TIAM1: variants seen among roughly 807,000 people sequenced by gnomAD.
TIAM1 encodes TIAM Rac1 associated GEF 1.
A neutral mutation model predicts 163.5 loss-of-function variants in TIAM1; 65 were observed. The observed-to-expected ratio is 0.40, with a 90% CI of 0.33 to 0.49. TIAM1 has a LOEUF of 0.49. Ranked by LOEUF, TIAM1 falls within the 20% of genes least tolerant of loss-of-function variation. TIAM1 has a pLI of 0.77. For missense variants in TIAM1, 1,789 were observed against 2,044.7 expected (o/e 0.87, Z 2.41); for synonymous variants, 833 against 810.1 (o/e 1.03, Z -0.48).
At chr21:31,244,354 T>C (rs1220642558) in intron 6 of TIAM1, among the ~76,000 whole-genome samples, 1 of 152,306 alleles carries the variant, frequency 6.6e-6, no homozygotes, top group South Asian at 2.1e-4. Flanking sequence ...CTTCCTTTAA[T>C]AGTCATTGGT....
At chr21:31,210,754 GAAA>G (rs2086818858) in intron 10 of TIAM1, among the ~76,000 whole-genome samples, 1 of 90,220 alleles carries the variant, frequency 1.1e-5, no homozygotes, top group African/African-American at 5.1e-5. Flanking sequence ...AAGGGAGAAA[GAAA>G]GAAAGAAAGA....
intron 1 of TIAM1, among the ~76,000 whole-genome samples, chr21:31,506,358 C>T (rs994368658): frequency 1.5e-4 from 23 of 150,724 alleles, no homozygotes; most frequent in African/African-American, 5.7e-4. Context: ...TAACATCTAT[C>T]ATCTTAACCC....
chr21:31,501,677 G>A (rs552067505), intron 1 of TIAM1, among the ~76,000 whole-genome samples: 3 of 151,876 alleles, frequency 2.0e-5, no homozygotes, highest in Non-Finnish European at 2.9e-5. Context: ...ATCTCGGCTC[G>A]CTGCAACCTG....
chr21:31,199,395 T>TC (rs1012427497), intron 12 of TIAM1, among the ~76,000 whole-genome samples: 10 of 149,672 alleles, frequency 6.7e-5, no homozygotes, highest in Non-Finnish European at 1.5e-4. Context: ...CCTTTTTCCC[T>TC]CCCCCCCACC....
intron 2 of TIAM1, among the ~76,000 whole-genome samples, chr21:31,286,526 A>T (rs532079074): frequency 6.6e-6 from 1 of 152,192 alleles, no homozygotes; most frequent in East Asian, 1.9e-4. Flanking sequence ...TGGGAAACAC[A>T]GTAAGACATC....
chr21:31,199,710 TAGTAG>T (rs1267061865), intron 12 of TIAM1, among the ~76,000 whole-genome samples: 1 of 149,992 alleles, frequency 6.7e-6, no homozygotes, highest in Non-Finnish European at 1.5e-5. Flanking sequence ...TTTGTATTTT[TAGTAG>T]AGATGGAGTT....
intron 2 of TIAM1, among the ~76,000 whole-genome samples, chr21:31,335,225 C>T (rs778114631): frequency 2.0e-5 from 3 of 152,144 alleles, no homozygotes; most frequent in South Asian, 2.1e-4. Context: ...CAGCCTGATA[C>T]GTTTCACCTG....
chr21:31,439,275 T>C (rs552628474), intron 2 of TIAM1, among the ~76,000 whole-genome samples: 80 of 152,270 alleles, frequency 5.3e-4, no homozygotes, highest in Non-Finnish European at 9.4e-4. Flanking sequence ...CTTAAAAGCA[T>C]TGTATTCTTT....
At chr21:31,530,194 G>A (rs537696089) in intron 1 of TIAM1, among the ~76,000 whole-genome samples, 94 of 152,294 alleles carry the variant, frequency 6.2e-4, no homozygotes, top group African/African-American at 2.3e-3. Context: ...TACTGAAAAG[G>A]TTTTGAAGAT....
chr21:31,357,400 A>C (rs187711202), intron 2 of TIAM1, among the ~76,000 whole-genome samples: 213 of 152,308 alleles, frequency 1.4e-3, no homozygotes, highest in Non-Finnish European at 2.7e-3. Flanking sequence ...ACAAACTTCT[A>C]AGACTATATA....
Position 31,323,850 on chromosome 21 carries a change from A to T in TIAM1, c.-189+15393T>A, listed in dbSNP as rs1017683672. ...TGTCTCCAAAAAGAAACACACAAAA[A>T]TTTAAAAATTAGCTGGGTGTGGTGG... is the stretch of plus-strand genomic sequence containing the variant. On this transcript the variant is annotated intron_variant, in intron 2 of 27. Coordinates refer to ENST00000541036, the MANE Select transcript of TIAM1 (RefSeq NM_001353694.2). Among the ~76,000 whole-genome samples the T allele has an allele frequency of 2.1e-4, 32 of 151,824 alleles. 1 individual carries two copies. Among genetic ancestry groups the T allele is most frequent in the Middle Eastern group, 3.4e-3 (1 of 292 alleles).
At chr21:31,527,967 G>C (rs1050477631) in intron 1 of TIAM1, among the ~76,000 whole-genome samples, 2 of 152,156 alleles carry the variant, frequency 1.3e-5, no homozygotes, top group African/African-American at 4.8e-5. Context: ...ATTCCAACAG[G>C]ATGCTAGACT....
chr21:31,267,099 G>C, intron 3 of TIAM1, 116 bp from the exon 4 acceptor site: 12 of 1,403,594 alleles, frequency 8.5e-6, no homozygotes, highest in Admixed American at 2.5e-5. Flanking sequence ...CACAGGGGTT[G>C]TTAGGTAAGT....
intron 23 of TIAM1, among the ~76,000 whole-genome samples, chr21:31,134,498 T>G (rs938936272): frequency 4.6e-5 from 7 of 152,204 alleles, no homozygotes; most frequent in African/African-American, 1.7e-4. Flanking sequence ...ATGCTTTCTC[T>G]GCACTTACAT....
Position 31,431,359 on chromosome 21 carries a change from T to C in TIAM1, c.-369+32624A>G, listed in dbSNP as rs557845434. Among the ~76,000 whole-genome samples, 5 of 152,266 alleles carry C rather than the reference T, an allele frequency of 3.3e-5. No individual in the cohort carries two copies. The South Asian group carries it at 1.0e-3, about 32-fold the overall frequency. On this transcript the variant is annotated intron_variant, in intron 2 of 28. Transcript: ENST00000286827. Reference sequence around the variant, plus strand: ...TGGGCTATACCCCTAGAATTTCTGATTCAGTAGATTGGGGGTGGATGGGGG... The same window carrying C: ...TGGGCTATACCCCTAGAATTTCTGACTCAGTAGATTGGGGGTGGATGGGGG...
chr21:31,119,851 C>G lies in TIAM1; in HGVS notation c.*517G>C, dbSNP rs1182886906. 1 of 152,292 alleles carries G rather than the reference C, an allele frequency of 6.6e-6. No homozygotes were observed. The highest frequency in any genetic ancestry group is 1.5e-5 in the Non-Finnish European group (1 of 68,176). 9.4% of individuals were successfully genotyped at this position (152,292 alleles called of 1,614,324 possible). On this transcript the variant is annotated 3_prime_UTR_variant, in exon 28 of 28. Transcript: ENST00000541036. ...GCTCATTGAAACATGAATCGCCACC[C>G]TCTCCTCACACATTCTTAAAATACA...
chr21:31,426,265 G>A (rs1217944719), intron 2 of TIAM1, among the ~76,000 whole-genome samples: 9 of 152,050 alleles, frequency 5.9e-5, no homozygotes, highest in East Asian at 1.9e-4. Context: ...AGTAGCTGGC[G>A]TAGCAATGAA....
At chr21:31,329,023 A>G (rs1255193805) in intron 2 of TIAM1, among the ~76,000 whole-genome samples, 2 of 152,134 alleles carry the variant, frequency 1.3e-5, no homozygotes, top group Non-Finnish European at 2.9e-5. Context: ...TGTTTTAGGT[A>G]TCCGGAGATG....
At position 31,252,000 on chromosome 21, in the gene TIAM1, C is replaced by T; in HGVS notation, c.1153G>A (p.Glu385Lys). 2 of 1,613,986 alleles carry T rather than the reference C, an allele frequency of 1.2e-6. No homozygotes were observed. Among genetic ancestry groups the T allele is most frequent in the Middle Eastern group, 1.6e-4 (1 of 6,062 alleles). ...ATCTCCAGCTCCCGCCGGAAGTTCTCGTACACCCCCTGACGAGCCGCATCC... is the reference window on the plus strand; with the variant it reads ...ATCTCCAGCTCCCGCCGGAAGTTCTTGTACACCCCCTGACGAGCCGCATCC... ...TGDAARQGVY[E>K]NFRRELEMST... Residue 385 changes from glutamate (E) to lysine (K), a missense_variant, in exon 5 of 28, where the codon GAG becomes AAG. Glu to Lys is a moderately conservative substitution (Grantham distance 56). Around this residue, in one of 5 missense-constraint regions of TIAM1, gnomAD observed 555 missense variants for 564.9 expected, o/e 0.98. Coordinates refer to ENST00000541036, the MANE Select transcript of TIAM1 (RefSeq NM_001353694.2).
Sources: allele counts gnomAD v4.1 joint callset (sites outside exome capture counted in the v4.1 genomes callset), GRCh38; gene constraint gnomAD v4.1.1; regional missense constraint gnomAD v4.1.1; transcripts MANE v1.5; gene names NCBI Gene and HGNC (gene_info 2026-07-23, HGNC 2026-07-21).